The following XKR9 variants were observed in gnomAD, a reference collection of about 807,000 sequenced individuals.
The protein encoded by XKR9 is XK-related protein 9.
A neutral mutation model predicts 32.0 loss-of-function variants in XKR9; 32 were observed. That is an observed-to-expected ratio of 1.00 (90% confidence interval 0.76 to 1.34). The LOEUF (loss-of-function observed/expected upper bound fraction) is 1.34. XKR9 is among the 40% of genes most tolerant of loss of function. The pLI is 0.00. For synonymous variants in XKR9, 168 were observed against 143.4 expected (o/e 1.17, Z -1.22); for missense variants, 546 against 429.7 (o/e 1.27, Z -2.39).
chr8:71,034,199 C>T, the XKR9 span, among the ~76,000 whole-genome samples: 1 of 152,084 alleles, frequency 6.6e-6, no homozygotes, highest in Non-Finnish European at 1.5e-5. Context: ...AAAAAGGGAC[C>T]TCATGGAAGG....
chr8:70,794,283 C>G (rs577365743), downstream of XKR9, among the ~76,000 whole-genome samples: 14 of 152,120 alleles, frequency 9.2e-5, no homozygotes, highest in South Asian at 1.2e-3. Context: ...CAGTTAAGAT[C>G]ATGCCATCTA....
the XKR9 span, among the ~76,000 whole-genome samples, chr8:71,028,331 T>C: frequency 6.6e-6 from 1 of 152,212 alleles, no homozygotes; most frequent in Non-Finnish European, 1.5e-5. Flanking sequence ...CTATTGTAAA[T>C]GGATTTGTTT....
intron 3 of XKR9, among the ~76,000 whole-genome samples, chr8:70,685,683 A>G (rs1819247202): frequency 7.3e-6 from 1 of 137,560 alleles, no homozygotes; most frequent in African/African-American, 2.7e-5. Context: ...GAATTGAACA[A>G]TGAGAACACA....
At chr8:70,852,526 C>G in the XKR9 span, among the ~76,000 whole-genome samples, 2 of 152,226 alleles carry the variant, frequency 1.3e-5, no homozygotes, top group Non-Finnish European at 2.9e-5. Flanking sequence ...ATAAATCATT[C>G]TACTATAAAT....
chr8:71,023,414 T>C, the XKR9 span, among the ~76,000 whole-genome samples: 4 of 152,192 alleles, frequency 2.6e-5, no homozygotes, highest in Non-Finnish European at 5.9e-5. Flanking sequence ...TGGCTTAAGT[T>C]ATGTTTTCTT....
intron 2 of XKR9, among the ~76,000 whole-genome samples, chr8:70,769,587 G>C (rs116120555): frequency 6.6e-6 from 1 of 151,886 alleles, no homozygotes. Flanking sequence ...TGAATTGTAC[G>C]TTTGGTTTTT....
At chr8:70,865,564 G>A in the XKR9 span, among the ~76,000 whole-genome samples, 2 of 151,782 alleles carry the variant, frequency 1.3e-5, no homozygotes, top group Non-Finnish European at 2.9e-5. Flanking sequence ...AATTATAATG[G>A]TGTAAGTTGG....
chr8:70,897,393 A>G, the XKR9 span, among the ~76,000 whole-genome samples: 3 of 152,144 alleles, frequency 2.0e-5, no homozygotes, highest in Non-Finnish European at 2.9e-5. Context: ...TCTTTTGGGT[A>G]TATACCCAGC....
chr8:70,862,738 G>T, the XKR9 span, among the ~76,000 whole-genome samples: 1 of 151,894 alleles, frequency 6.6e-6, no homozygotes, highest in Non-Finnish European at 1.5e-5. Flanking sequence ...CATCCTTCAT[G>T]TAAAGATATT....
intron 3 of XKR9, among the ~76,000 whole-genome samples, chr8:70,690,541 G>T (rs916047170): frequency 6.6e-6 from 1 of 151,440 alleles, no homozygotes; most frequent in Non-Finnish European, 1.5e-5. Flanking sequence ...GGGGGTGGGG[G>T]TCTCACCATG....
At chr8:70,911,031 C>T in the XKR9 span, among the ~76,000 whole-genome samples, 1 of 152,216 alleles carries the variant, frequency 6.6e-6, no homozygotes, top group African/African-American at 2.4e-5. Flanking sequence ...TTGCTTTTAA[C>T]AATCATGTGA....
At chr8:70,988,770 A>G in the XKR9 span, among the ~76,000 whole-genome samples, 2 of 152,210 alleles carry the variant, frequency 1.3e-5, no homozygotes, top group Non-Finnish European at 2.9e-5. Context: ...AGATGTCTAG[A>G]ACTTTTTCAT....
At chr8:70,746,096 G>C (rs951801043) in intron 2 of XKR9, among the ~76,000 whole-genome samples, 2 of 151,778 alleles carry the variant, frequency 1.3e-5, no homozygotes, top group East Asian at 1.9e-4. Context: ...TAAGATTTGT[G>C]CCTTTTATTT....
At chr8:70,749,394 A>T (rs1338919238) in intron 2 of XKR9, among the ~76,000 whole-genome samples, 1 of 151,038 alleles carries the variant, frequency 6.6e-6, no homozygotes, top group African/African-American at 2.4e-5. Context: ...ATACTGTAAC[A>T]CCCTCTTTGG....
chr8:70,774,440 G>A (rs965880052), intron 2 of XKR9, among the ~76,000 whole-genome samples: 4 of 151,940 alleles, frequency 2.6e-5, no homozygotes, highest in Non-Finnish European at 4.4e-5. Flanking sequence ...ACTGCACCTC[G>A]CTTCATTTGT....
the XKR9 span, among the ~76,000 whole-genome samples, chr8:70,909,125 A>C: frequency 6.6e-6 from 1 of 152,018 alleles, no homozygotes; most frequent in Admixed American, 6.6e-5. Flanking sequence ...CCAGATTCTC[A>C]CTAATCAATC....
chr8:70,702,213 C>T (rs1805562851), intron 3 of XKR9, among the ~76,000 whole-genome samples: 1 of 151,882 alleles, frequency 6.6e-6, no homozygotes. Context: ...TAAATTTTAC[C>T]TCAGTCTCCA....
chr8:70,819,067 A>G, the XKR9 span, among the ~76,000 whole-genome samples: 4 of 149,618 alleles, frequency 2.7e-5, no homozygotes, highest in African/African-American at 1.0e-4. Flanking sequence ...TTACAGGCAA[A>G]GACATACACC....
chr8:70,884,451 T>C, the XKR9 span, among the ~76,000 whole-genome samples: 3 of 152,214 alleles, frequency 2.0e-5, no homozygotes, highest in African/African-American at 7.2e-5. Flanking sequence ...TTATCACCTA[T>C]CCCAACATTA....
Sources: allele counts gnomAD v4.1 joint callset (sites outside exome capture counted in the v4.1 genomes callset), GRCh38; gene constraint gnomAD v4.1.1; transcripts MANE v1.5; gene names NCBI Gene and HGNC (gene_info 2026-07-23, HGNC 2026-07-21).